TTLL5: variants seen among roughly 807,000 people sequenced by gnomAD.
TTLL5 encodes the protein tubulin tyrosine ligase like 5, also known as tubulin polyglutamylase TTLL5.
Under a neutral mutation model 168.4 loss-of-function variants are expected in TTLL5, and 132 were observed. The ratio of observed to expected loss-of-function variants is 0.78; its 90% confidence interval spans 0.68 to 0.91. TTLL5 has a LOEUF of 0.91. Ranked by LOEUF, TTLL5 falls within the 40% of genes least tolerant of loss-of-function variation. The pLI, the probability that TTLL5 is intolerant of heterozygous loss-of-function variation, is 0.00. For synonymous variants in TTLL5, 546 were observed against 558.6 expected, an observed-to-expected ratio of 0.98 and a Z score of 0.32; for missense variants, 1,545 against 1,581.5, an observed-to-expected ratio of 0.98 and a Z score of 0.39.
intron 31 of TTLL5, among the ~76,000 whole-genome samples, chr14:75,952,147 A>C (rs1008976706): frequency 6.6e-6 from 1 of 152,228 alleles, no homozygotes; most frequent in African/African-American, 2.4e-5. Context: ...TGTTTTGCCA[A>C]TGAAGATATA....
intron 28 of TTLL5, among the ~76,000 whole-genome samples, chr14:75,833,994 T>C (rs1895731914): frequency 6.6e-6 from 1 of 152,222 alleles, no homozygotes; most frequent in Admixed American, 6.5e-5. Flanking sequence ...AGACATTACA[T>C]GACCAAAATG....
intron 15 of TTLL5, among the ~76,000 whole-genome samples, chr14:75,736,828 A>G (rs1485924751): frequency 6.6e-6 from 1 of 152,202 alleles, no homozygotes; most frequent in Non-Finnish European, 1.5e-5. Context: ...TAAATATAAA[A>G]TCAGTTACCA....
At chr14:75,793,660 G>T (rs1335953032) in intron 27 of TTLL5, among the ~76,000 whole-genome samples, 1 of 152,122 alleles carries the variant, frequency 6.6e-6, no homozygotes, top group Non-Finnish European at 1.5e-5. Context: ...AAGCTGGGTG[G>T]ATAGAAATAA....
At chr14:75,768,636 G>GGA (rs1214769814) in intron 20 of TTLL5, among the ~76,000 whole-genome samples, 1 of 152,060 alleles carries the variant, frequency 6.6e-6, no homozygotes, top group Non-Finnish European at 1.5e-5. Flanking sequence ...GCCAGAGGAG[G>GGA]GAGTATCTCT....
intron 18 of TTLL5, among the ~76,000 whole-genome samples, chr14:75,756,023 A>G (rs1890241430): frequency 8.9e-6 from 1 of 112,614 alleles, no homozygotes; most frequent in South Asian, 3.1e-4. Flanking sequence ...ATTGGTACTT[A>G]CTAAAAGCTG....
intron 28 of TTLL5, among the ~76,000 whole-genome samples, chr14:75,851,075 G>A (rs1245606756): frequency 1.7e-5 from 2 of 116,782 alleles, no homozygotes; most frequent in African/African-American, 6.8e-5. Context: ...CGGCCTGAGT[G>A]ACAGAGTGAG....
chr14:75,683,572 A>G lies in TTLL5; in HGVS notation c.287A>G (p.Tyr96Cys), dbSNP rs993836481. The G allele has an allele frequency of 1.2e-5, 20 of 1,613,936 alleles. No individual in the cohort carries two copies. In the South Asian group the frequency reaches 1.4e-4, roughly 12 times the overall value. Residue 96 changes from tyrosine (Y) to cysteine (C), a missense_variant, in exon 5 of 32, where the codon TAT (tyrosine) becomes TGT (cysteine). Tyr to Cys is a radical substitution (Grantham distance 194, BLOSUM62 -2). Transcript: ENST00000298832. ...FHEVHPSSTDYNLMWTGSHLK... is the reference protein window; with the variant it reads ...FHEVHPSSTDCNLMWTGSHLK... ...CAGGTTCACCCAAGCAGCACTGACTATAACCTAATGTGGACAGGATCCCAC... is the reference window on the plus strand; with the variant it reads ...CAGGTTCACCCAAGCAGCACTGACTGTAACCTAATGTGGACAGGATCCCAC...
intron 30 of TTLL5, among the ~76,000 whole-genome samples, chr14:75,890,366 T>G (rs1490250407): frequency 6.6e-6 from 1 of 152,176 alleles, no homozygotes; most frequent in Non-Finnish European, 1.5e-5. Context: ...CTTATTTAGT[T>G]TGGGTCAGGG....
chr14:75,914,033 A>AAAAAAAAATATATAT, intron 31 of TTLL5, among the ~76,000 whole-genome samples: 4 of 71,114 alleles, frequency 5.6e-5, no homozygotes, highest in Admixed American at 1.8e-4. Flanking sequence ...AAAAAAAAAA[A>AAAAAAAAATATATAT]ATATATATAT....
intron 28 of TTLL5, among the ~76,000 whole-genome samples, chr14:75,823,727 T>A (rs938121224): frequency 6.6e-6 from 1 of 152,220 alleles, no homozygotes; most frequent in Non-Finnish European, 1.5e-5. Flanking sequence ...TGTTCCTACT[T>A]TTTTGTGATA....
At chr14:75,804,916 T>G (rs1184328398) in intron 27 of TTLL5, among the ~76,000 whole-genome samples, 1 of 152,210 alleles carries the variant, frequency 6.6e-6, no homozygotes, top group Non-Finnish European at 1.5e-5. Flanking sequence ...AGCTCTCATT[T>G]TCTTTAGTTC....
chr14:75,835,408 A>C lies in TTLL5; in HGVS notation c.3326+15247A>C, dbSNP rs1386705645. On this transcript the variant is annotated intron_variant, in intron 28 of 31. Coordinates refer to ENST00000298832, the MANE Select transcript of TTLL5 (RefSeq NM_015072.5). The stretch of plus-strand genomic sequence containing the variant: ...GTATTGCTATTTATTTATTGCCCTC[A>C]TTAGACTCTAATATACTCACAGGAC... 3 of 152,348 alleles carry C rather than the reference A, an allele frequency of 2.0e-5. No individual in the cohort carries two copies. The East Asian group carries it at 5.8e-4, about 29-fold the overall frequency. 9.4% of individuals were successfully genotyped at this position (152,348 alleles called of 1,614,324 possible).
At chr14:75,679,690 T>C (rs1884459256) in intron 3 of TTLL5, among the ~76,000 whole-genome samples, 1 of 152,238 alleles carries the variant, frequency 6.6e-6, no homozygotes, top group African/African-American at 2.4e-5. Flanking sequence ...GACATGTCCC[T>C]AATCAGTTTT....
intron 2 of TTLL5, among the ~76,000 whole-genome samples, chr14:75,664,200 T>C (rs1174653898): frequency 6.6e-6 from 1 of 152,240 alleles, no homozygotes; most frequent in African/African-American, 2.4e-5. Context: ...ATTTTCACTT[T>C]TTTAAACTCA....
intron 28 of TTLL5, 50 bp downstream of exon 28, chr14:75,820,211 G>A (rs901170961): frequency 2.7e-5 from 40 of 1,496,584 alleles, no homozygotes; most frequent in Non-Finnish European, 3.5e-5. Context: ...GGGATGGCCT[G>A]TGTCCCAAGC....
rs534400200 is a variant in TTLL5, at chr14:75,924,176, A to G, written c.3823+21952A>G. 7.3e-5 allele frequency among the ~76,000 whole-genome samples: 11 copies of G among 150,858 alleles called. No homozygotes were observed. The South Asian group carries it at 8.4e-4, about 11-fold the overall frequency. On this transcript the variant is annotated intron_variant, in intron 31 of 31. Coordinates refer to ENST00000298832, the MANE Select transcript of TTLL5 (RefSeq NM_015072.5). ...CTGATGGGTCTTGACTCTTTATCCAATTTGCCAGTTCGTGTCTTTCAATTG... is the reference window on the plus strand; with the variant it reads ...CTGATGGGTCTTGACTCTTTATCCAGTTTGCCAGTTCGTGTCTTTCAATTG...
chr14:75,774,390 T>C (rs1373597749), intron 21 of TTLL5, among the ~76,000 whole-genome samples: 1 of 152,176 alleles, frequency 6.6e-6, no homozygotes, highest in African/African-American at 2.4e-5. Flanking sequence ...CCCTTATTCT[T>C]GGGGAAGAAA....
chr14:75,875,608 T>A lies in TTLL5; in HGVS notation c.3523-7077T>A, dbSNP rs1689104400. ...ATTTCCATAGCTTCAAATATAGATG[T>A]ATCTCAGTGTGTCAATTTATAGCAT... On this transcript the variant is annotated intron_variant, in intron 29 of 31. Coordinates refer to ENST00000298832, the MANE Select transcript of TTLL5 (RefSeq NM_015072.5). Among the ~76,000 whole-genome samples, 2 of 152,140 alleles carry A rather than the reference T, an allele frequency of 1.3e-5. 1 individual carries two copies. The highest frequency in any genetic ancestry group is 4.1e-4 in the South Asian group (2 of 4,836).
chr14:75,781,644 A>T (rs966113483), intron 24 of TTLL5, among the ~76,000 whole-genome samples: 1 of 152,092 alleles, frequency 6.6e-6, no homozygotes, highest in East Asian at 1.9e-4. Context: ...ATACTGATCA[A>T]CCTATCTCCA....
Sources: allele counts gnomAD v4.1 joint callset (sites outside exome capture counted in the v4.1 genomes callset), GRCh38; gene constraint gnomAD v4.1.1; transcripts MANE v1.5; gene names NCBI Gene and HGNC (gene_info 2026-07-23, HGNC 2026-07-21).